The following PIEZO2 variants were observed in gnomAD, a reference collection of about 807,000 sequenced individuals.
PIEZO2 encodes the protein piezo-type mechanosensitive ion channel component 2.
In PIEZO2, 172 loss-of-function variants were observed where a neutral mutation model predicts 337.3. The ratio of observed to expected loss-of-function variants is 0.51; its 90% CI spans 0.45 to 0.58. PIEZO2 has a LOEUF of 0.58. PIEZO2 is among the 20% of genes least tolerant of loss of function. The pLI, the probability that PIEZO2 is intolerant of heterozygous loss-of-function variation, is 0.00. For synonymous variants in PIEZO2, 1,251 were observed against 1,228.5 expected (o/e 1.02, Z -0.38); for missense variants, 3,028 against 3,391.3 (o/e 0.89, Z 2.66).
intron 3 of PIEZO2, among the ~76,000 whole-genome samples, chr18:10,977,489 T>C (rs895765903): frequency 3.9e-5 from 6 of 152,160 alleles, no homozygotes; most frequent in African/African-American, 1.2e-4. Flanking sequence ...ATCCAAATGA[T>C]TTTTGGTTAA....
chr18:10,972,015 G>A (rs897267640), intron 3 of PIEZO2, among the ~76,000 whole-genome samples: 6 of 151,942 alleles, frequency 3.9e-5, no homozygotes, highest in Non-Finnish European at 7.4e-5. Flanking sequence ...AATGGCAGCT[G>A]GGTGCGGTGG....
At chr18:10,749,503 T>C (rs993922083) in intron 29 of PIEZO2, among the ~76,000 whole-genome samples, 46 of 148,292 alleles carry the variant, frequency 3.1e-4, no homozygotes, top group Admixed American at 1.4e-3. Context: ...AATAAATAAA[T>C]AGAGAGAGCA....
chr18:11,015,921 C>G (rs1306418415), intron 2 of PIEZO2, among the ~76,000 whole-genome samples: 1 of 152,184 alleles, frequency 6.6e-6, no homozygotes, highest in East Asian at 1.9e-4. Context: ...TGAAAACTTT[C>G]TAAACGTTTT....
rs932264131 is a variant in PIEZO2 at position 10,813,244 on chromosome 18, G to A, written c.918-5970C>T. On this transcript the variant is annotated intron_variant, in intron 7 of 55. Coordinates refer to ENST00000674853, the MANE Select transcript of PIEZO2 (RefSeq NM_001378183.1). The surrounding 1 kb of genome is among the most constrained non-coding windows in gnomAD (Gnocchi z 4.2). ...TTTGCCCGCCTGGGCCTCCCAAAGT[G>A]CTGGCATTACAGGAGTGAGCCACCG... Among the ~76,000 whole-genome samples, 1 of 152,170 alleles carries A rather than the reference G, an allele frequency of 6.6e-6. No homozygotes were observed. The highest frequency in any genetic ancestry group is 1.5e-5 in the Non-Finnish European group (1 of 68,026).
intron 7 of PIEZO2, among the ~76,000 whole-genome samples, chr18:10,825,907 A>G (rs2040662988): frequency 6.6e-6 from 1 of 152,164 alleles, no homozygotes; most frequent in South Asian, 2.1e-4. Flanking sequence ...CCCACACTCA[A>G]TGGGGTGGAA....
intron 3 of PIEZO2, among the ~76,000 whole-genome samples, chr18:10,965,988 T>C (rs1281987410): frequency 6.6e-6 from 1 of 152,186 alleles, no homozygotes; most frequent in Admixed American, 6.5e-5. Flanking sequence ...CCCGTAAATG[T>C]TTGCTCTGAA....
intron 2 of PIEZO2, among the ~76,000 whole-genome samples, chr18:11,013,845 C>T (rs781591981): frequency 1.6e-4 from 25 of 152,124 alleles, no homozygotes; most frequent in Non-Finnish European, 3.1e-4. Flanking sequence ...GAGTGGTGCC[C>T]GAAGATTGTG....
intron 40 of PIEZO2, 94 bp from the exon 41 acceptor site, chr18:10,705,840 A>C: frequency 7.3e-7 from 1 of 1,371,058 alleles, no homozygotes; most frequent in Non-Finnish European, 9.6e-7. Context: ...CAGAACTCCT[A>C]AGGAAATGCC....
intron 3 of PIEZO2, among the ~76,000 whole-genome samples, chr18:10,933,244 T>C (rs1356603525): frequency 6.6e-6 from 1 of 152,218 alleles, no homozygotes; most frequent in Admixed American, 6.5e-5. Context: ...TTCCTTAACT[T>C]ACATTGTTTT....
chr18:10,961,913 A>C (rs2033799686), intron 3 of PIEZO2, among the ~76,000 whole-genome samples: 1 of 152,182 alleles, frequency 6.6e-6, no homozygotes, highest in Non-Finnish European at 1.5e-5. Context: ...TTCCCTAGAG[A>C]TCCATTAATG....
intron 27 of PIEZO2, among the ~76,000 whole-genome samples, chr18:10,753,960 G>A (rs1305468359): frequency 6.6e-6 from 1 of 152,194 alleles, no homozygotes; most frequent in African/African-American, 2.4e-5. Flanking sequence ...AATAAAGGTA[G>A]TGATTTGCAT....
chr18:11,079,772 A>G (rs1213167541), intron 1 of PIEZO2, among the ~76,000 whole-genome samples: 1 of 152,218 alleles, frequency 6.6e-6, no homozygotes, highest in East Asian at 1.9e-4. Context: ...TAATGCCCTC[A>G]TAACCTTAAA....
intron 3 of PIEZO2, among the ~76,000 whole-genome samples, chr18:10,926,545 C>T (rs1050843185): frequency 6.6e-6 from 1 of 152,116 alleles, no homozygotes; most frequent in African/African-American, 2.4e-5. Context: ...ACAGTGACTC[C>T]ACCTAGGTAG....
intron 1 of PIEZO2, among the ~76,000 whole-genome samples, chr18:11,084,317 GC>G (rs1402548467): frequency 6.6e-6 from 1 of 152,084 alleles, no homozygotes; most frequent in Non-Finnish European, 1.5e-5. Flanking sequence ...TAGGGCATGT[GC>G]CAGGTGCCAC....
At chr18:10,826,771 G>A (rs531456139) in intron 7 of PIEZO2, among the ~76,000 whole-genome samples, 2 of 152,252 alleles carry the variant, frequency 1.3e-5, no homozygotes, top group Admixed American at 1.3e-4. Context: ...GGGTTTTGAC[G>A]AATGTATAGT....
chr18:10,818,369 G>C (rs1285352679), intron 7 of PIEZO2, among the ~76,000 whole-genome samples: 1 of 152,188 alleles, frequency 6.6e-6, no homozygotes, highest in African/African-American at 2.4e-5. Context: ...GCAGGTGAAT[G>C]AAGTTGAACA....
intron 18 of PIEZO2, among the ~76,000 whole-genome samples, chr18:10,779,886 C>T (rs1047260296): frequency 3.3e-5 from 5 of 152,098 alleles, no homozygotes; most frequent in Admixed American, 1.3e-4. Context: ...AGTGTCGGGA[C>T]AGCATCAGTG....
In PIEZO2 at chr18:10,834,997, G is replaced by T. The variant is rs1568113227; in HGVS notation, c.917+20356C>A. Among the ~76,000 whole-genome samples, 1 of 152,204 alleles carries T rather than the reference G, an allele frequency of 6.6e-6. No homozygotes were observed. Among genetic ancestry groups the T allele is most frequent in the Non-Finnish European group, 1.5e-5 (1 of 68,050 alleles). ...GGGGCGATTAGGTCACAAGGGAGAAGCCCTCATGAAAGGGATCTGTGCCCT... is the reference window on the plus strand; with the variant it reads ...GGGGCGATTAGGTCACAAGGGAGAATCCCTCATGAAAGGGATCTGTGCCCT... On this transcript the variant is annotated intron_variant, in intron 7 of 55. Transcript: ENST00000674853. This position sits in a 1 kb window ranked among gnomAD's most constrained non-coding sequence, Gnocchi z 4.5.
intron 2 of PIEZO2, among the ~76,000 whole-genome samples, chr18:11,044,979 T>C (rs957696738): frequency 1.6e-3 from 156 of 97,244 alleles, no homozygotes; most frequent in African/African-American, 3.6e-3. Flanking sequence ...TAAGACCTCA[T>C]TTCTAAAAAT....
Sources: allele counts gnomAD v4.1 joint callset (sites outside exome capture counted in the v4.1 genomes callset), GRCh38; gene constraint gnomAD v4.1.1; non-coding constraint Gnocchi (gnomAD v3.1); transcripts MANE v1.5; gene names NCBI Gene and HGNC (gene_info 2026-07-23, HGNC 2026-07-21).